PPFIBP1: variants seen among roughly 807,000 people sequenced by gnomAD.
The protein encoded by PPFIBP1 is PPFIB scaffold protein 1, also known as liprin-beta-1.
In PPFIBP1, 112 loss-of-function variants were observed where a neutral mutation model predicts 137.8. The ratio of observed to expected loss-of-function variants is 0.81; its 90% CI spans 0.70 to 0.95. The LOEUF (loss-of-function observed/expected upper bound fraction) is 0.95. Ranked by LOEUF, PPFIBP1 falls within the 40% of genes least tolerant of loss-of-function variation. PPFIBP1 has a pLI of 0.00. For missense variants in PPFIBP1, 1,083 were observed against 1,196.6 expected, an observed-to-expected ratio of 0.91 and a Z score of 1.40; for synonymous variants, 378 against 417.3, an observed-to-expected ratio of 0.91 and a Z score of 1.15.
chr12:27,667,138 G>A (rs1473645796), intron 12 of PPFIBP1, 28 bp from the exon 13 acceptor site: 13 of 1,516,734 alleles, frequency 8.6e-6, no homozygotes, highest in Non-Finnish European at 1.2e-5. Context: ...AGCTGCTGTT[G>A]TCTTCTCTTT....
chr12:27,586,595 A>C (rs573208271), intron 2 of PPFIBP1, among the ~76,000 whole-genome samples: 1 of 152,084 alleles, frequency 6.6e-6, no homozygotes, highest in Non-Finnish European at 1.5e-5. Flanking sequence ...TACTTGGGAC[A>C]CTGAGGCATG....
chr12:27,681,469 A>G (rs903675492), intron 21 of PPFIBP1, 77 bp from the exon 22 acceptor site: 6 of 1,483,970 alleles, frequency 4.0e-6, no homozygotes, highest in South Asian at 1.2e-5. Context: ...TATTGAATGT[A>G]TAGTTGTTTA....
At chr12:27,690,007 A>G (rs2061433731) in intron 27 of PPFIBP1, among the ~76,000 whole-genome samples, 1 of 152,086 alleles carries the variant, frequency 6.6e-6, no homozygotes, top group Admixed American at 6.6e-5. Context: ...TCTCTGCTCA[A>G]ATGGAGCATG....
chr12:27,531,334 C>T (rs182343065), intron 1 of PPFIBP1, among the ~76,000 whole-genome samples: 11 of 152,180 alleles, frequency 7.2e-5, no homozygotes, highest in Admixed American at 2.0e-4. Flanking sequence ...GTGCTGTCAC[C>T]CAGGCTGGAG....
At chr12:27,685,659 T>C (rs1263246769) in intron 24 of PPFIBP1, among the ~76,000 whole-genome samples, 2 of 152,086 alleles carry the variant, frequency 1.3e-5, no homozygotes, top group African/African-American at 4.8e-5. Flanking sequence ...TGTGTTTTAA[T>C]GTGGATTAGA....
intron 1 of PPFIBP1, among the ~76,000 whole-genome samples, chr12:27,545,654 C>T (rs530705789): frequency 1.3e-5 from 2 of 152,352 alleles, no homozygotes; most frequent in East Asian, 1.9e-4. Flanking sequence ...GCATAGAAAT[C>T]TCCATGTGAT....
intron 24 of PPFIBP1, among the ~76,000 whole-genome samples, chr12:27,687,170 G>A (rs2061253750): frequency 6.6e-6 from 1 of 152,218 alleles, no homozygotes; most frequent in Non-Finnish European, 1.5e-5. Flanking sequence ...GGAAGAGAGA[G>A]AAACAGGTGG....
At chr12:27,563,400 TGAGCTGA>T (rs1392657895) in intron 1 of PPFIBP1, among the ~76,000 whole-genome samples, 8 of 140,304 alleles carry the variant, frequency 5.7e-5, no homozygotes, top group Admixed American at 5.2e-4. Context: ...GAGTTTGCAG[TGAGCTGA>T]GATAGTGCCA....
Position 27,694,611 on chromosome 12 carries a change from A to C in PPFIBP1, c.*1729A>C, listed in dbSNP as rs192629982. The C allele has an allele frequency of 6.6e-6, 1 of 152,364 alleles. No individual in the cohort carries two copies. The highest frequency in any genetic ancestry group is 1.9e-4 in the East Asian group (1 of 5,194). 9.4% of individuals were successfully genotyped at this position (152,364 alleles called of 1,614,324 possible). On this transcript the variant is annotated 3_prime_UTR_variant, in exon 30 of 30. Coordinates refer to ENST00000228425, the MANE Select transcript of PPFIBP1 (RefSeq NM_003622.4). ...TTTATAATGGCTATTTTGTGACGATAAGATGTAGTTCATGTTTTTCTGTAG... is the reference window on the plus strand; with the variant it reads ...TTTATAATGGCTATTTTGTGACGATCAGATGTAGTTCATGTTTTTCTGTAG...
At chr12:27,675,417 G>C (rs1297744221) in intron 17 of PPFIBP1, among the ~76,000 whole-genome samples, 1 of 152,132 alleles carries the variant, frequency 6.6e-6, no homozygotes, top group Non-Finnish European at 1.5e-5. Context: ...TAGATATATA[G>C]AGTAAAATAA....
chr12:27,549,645 G>C (rs1946570422), intron 1 of PPFIBP1, among the ~76,000 whole-genome samples: 1 of 151,594 alleles, frequency 6.6e-6, no homozygotes, highest in African/African-American at 2.4e-5. Flanking sequence ...GTTGCCTGGA[G>C]ATATGGGAAA....
At chr12:27,664,487 C>A in intron 12 of PPFIBP1, 41 bp downstream of exon 12, 1 of 1,361,964 alleles carries the variant, frequency 7.3e-7, no homozygotes, top group Non-Finnish European at 1.0e-6. Context: ...TTGGTTGACT[C>A]TAAGTGGCTA....
chr12:27,667,961 G>C (rs1383099496), intron 13 of PPFIBP1, among the ~76,000 whole-genome samples: 1 of 152,098 alleles, frequency 6.6e-6, no homozygotes, highest in Admixed American at 6.5e-5. Flanking sequence ...TTCTGCTGTA[G>C]CCACAGGCCT....
intron 2 of PPFIBP1, among the ~76,000 whole-genome samples, chr12:27,591,033 T>C (rs2052447668): frequency 6.6e-6 from 1 of 152,124 alleles, no homozygotes; most frequent in Non-Finnish European, 1.5e-5. Flanking sequence ...TCATAGTCTT[T>C]ATAGTCATAT....
intron 1 of PPFIBP1, among the ~76,000 whole-genome samples, chr12:27,558,462 T>C (rs1000564188): frequency 8.3e-6 from 1 of 120,958 alleles, no homozygotes; most frequent in Admixed American, 8.6e-5. Flanking sequence ...TTACACAGTA[T>C]GTTATACACA....
chr12:27,692,902 A>G lies in PPFIBP1; in HGVS notation c.*20A>G. 2 of 1,613,862 alleles carry G rather than the reference A, an allele frequency of 1.2e-6. No individual in the cohort carries two copies. Among genetic ancestry groups the G allele is most frequent in the Non-Finnish European group, 1.7e-6 (2 of 1,179,912 alleles). Reference sequence around the variant, plus strand: ...GTTTGACCGTAGCACCTGGATGAACATTAGGAGTGCTTAGTCTTTTTTCTA... The same window carrying G: ...GTTTGACCGTAGCACCTGGATGAACGTTAGGAGTGCTTAGTCTTTTTTCTA... On this transcript the variant is annotated 3_prime_UTR_variant, in exon 30 of 30. Coordinates refer to ENST00000228425, the MANE Select transcript of PPFIBP1 (RefSeq NM_003622.4).
At chr12:27,566,101 T>A (rs1178533976) in intron 1 of PPFIBP1, among the ~76,000 whole-genome samples, 1 of 152,198 alleles carries the variant, frequency 6.6e-6, no homozygotes, top group Non-Finnish European at 1.5e-5. Flanking sequence ...ATTATTAAGT[T>A]TTTTTGGTTC....
chr12:27,656,819 T>G, intron 9 of PPFIBP1, 89 bp downstream of exon 9: 1 of 899,286 alleles, frequency 1.1e-6, no homozygotes, highest in Non-Finnish European at 1.8e-6. Context: ...AATGTGTAGT[T>G]TTAGCATCAA....
chr12:27,598,458 A>G (rs1046446346), intron 2 of PPFIBP1, among the ~76,000 whole-genome samples: 8 of 152,200 alleles, frequency 5.3e-5, no homozygotes, highest in Admixed American at 4.6e-4. Flanking sequence ...CCCTCCCACA[A>G]CACCAGAGAA....
Sources: gnomAD v4.1 joint callset for allele counts (sites outside exome capture counted in the v4.1 genomes callset) on GRCh38, gnomAD v4.1.1 for gene constraint, MANE v1.5 for transcripts, NCBI Gene and HGNC (gene_info 2026-07-23, HGNC 2026-07-21) for gene names.